The following SLC44A5 variants were observed in gnomAD, a reference collection of about 807,000 sequenced individuals.
SLC44A5 encodes the protein solute carrier family 44 member 5.
SLC44A5 carries 57 observed loss-of-function variants against 101.8 expected under a neutral mutation model. The observed-to-expected ratio is 0.56, with a 90% CI of 0.45 to 0.70. The LOEUF (loss-of-function observed/expected upper bound fraction) is 0.70, where lower values mean the gene tolerates loss of function less well. Ranked by LOEUF, SLC44A5 falls within the 30% of genes least tolerant of loss-of-function variation. SLC44A5 has a pLI of 0.00. For synonymous variants in SLC44A5, 281 were observed against 290.9 expected (o/e 0.97, Z 0.35); for missense variants, 737 against 853.1 (o/e 0.86, Z 1.70).
chr1:75,393,758 G>T (rs1450409519), intron 3 of SLC44A5, among the ~76,000 whole-genome samples: 2 of 152,170 alleles, frequency 1.3e-5, no homozygotes, highest in Admixed American at 1.3e-4. Flanking sequence ...TGATTATTTT[G>T]TGGAGAATAG....
chr1:75,548,068 CA>C (rs1671747841), intron 1 of SLC44A5, among the ~76,000 whole-genome samples: 2 of 152,068 alleles, frequency 1.3e-5, no homozygotes, highest in Admixed American at 6.6e-5. Context: ...TTCCATTTTC[CA>C]CATAAAAATT....
At chr1:75,476,452 G>A (rs535416360) in intron 2 of SLC44A5, among the ~76,000 whole-genome samples, 239 of 152,342 alleles carry the variant, frequency 1.6e-3, no homozygotes, top group African/African-American at 5.6e-3. Context: ...GCGAGGCATT[G>A]CCTCACTCGG....
intron 2 of SLC44A5, among the ~76,000 whole-genome samples, chr1:75,423,141 G>C (rs144203322): frequency 5.0e-4 from 76 of 152,262 alleles, no homozygotes; most frequent in Middle Eastern, 3.4e-3. Context: ...TTGGTTGCCT[G>C]AAAAAGAACA....
At chr1:75,712,823 A>G in the SLC44A5 span, among the ~76,000 whole-genome samples, 1 of 152,122 alleles carries the variant, frequency 6.6e-6, no homozygotes, top group Non-Finnish European at 1.5e-5. Flanking sequence ...AGGGAAAAAA[A>G]TATGAATGCT....
the SLC44A5 span, among the ~76,000 whole-genome samples, chr1:75,661,107 C>T: frequency 6.6e-6 from 1 of 151,906 alleles, no homozygotes; most frequent in Non-Finnish European, 1.5e-5. Context: ...AGCGTAGTAA[C>T]CAAAACAGCT....
At chr1:75,449,020 A>G (rs1665744947) in intron 2 of SLC44A5, among the ~76,000 whole-genome samples, 1 of 152,100 alleles carries the variant, frequency 6.6e-6, no homozygotes, top group South Asian at 2.1e-4. Context: ...GAATGTGTTC[A>G]TCCCTCTGAC....
At chr1:75,469,047 A>C (rs1666969168) in intron 2 of SLC44A5, among the ~76,000 whole-genome samples, 1 of 152,222 alleles carries the variant, frequency 6.6e-6, no homozygotes, top group South Asian at 2.1e-4. Flanking sequence ...AGCTGCATTA[A>C]AAAGGTAAAA....
intron 2 of SLC44A5, among the ~76,000 whole-genome samples, chr1:75,480,438 G>T (rs745490390): frequency 1.3e-5 from 2 of 151,978 alleles, no homozygotes; most frequent in Non-Finnish European, 2.9e-5. Context: ...AAGGGTATTC[G>T]ATTAGGAAAA....
rs567443646 is a variant in SLC44A5, at chr1:75,385,009, T to G, written c.52+11574A>C. ...AAATAAAGATGTTCTTTGAAACCAA[T>G]GAGAACAAAGACACAACATACCAGA... On this transcript the variant is annotated intron_variant, in intron 3 of 23. Transcript: ENST00000370859. Among the ~76,000 whole-genome samples the G allele has an allele frequency of 8.9e-3, 1,357 of 152,032 alleles. 6 individuals carry two copies. The highest frequency in any genetic ancestry group is 0.015 in the Non-Finnish European group (1,033 of 67,988).
the SLC44A5 span, among the ~76,000 whole-genome samples, chr1:75,708,461 G>GAAGTATGT: frequency 6.7e-6 from 1 of 148,376 alleles, no homozygotes; most frequent in African/African-American, 2.5e-5. Context: ...TTTGACCCAG[G>GAAGTATGT]AAGTATGTGA....
At chr1:75,308,642 G>A (rs1365058617) in intron 4 of SLC44A5, among the ~76,000 whole-genome samples, 1 of 152,188 alleles carries the variant, frequency 6.6e-6, no homozygotes, top group Non-Finnish European at 1.5e-5. Flanking sequence ...ACAGCAGGGT[G>A]CAAAGAGACC....
chr1:75,507,451 A>G (rs1313360880), intron 2 of SLC44A5, among the ~76,000 whole-genome samples: 2 of 152,108 alleles, frequency 1.3e-5, no homozygotes, highest in Non-Finnish European at 2.9e-5. Context: ...TTGGTTTGCT[A>G]GCATTTTGTT....
intron 2 of SLC44A5, among the ~76,000 whole-genome samples, chr1:75,514,903 A>C (rs1407213498): frequency 6.6e-6 from 1 of 152,210 alleles, no homozygotes; most frequent in Non-Finnish European, 1.5e-5. Flanking sequence ...CTATGGATGG[A>C]GATCAACTGA....
intron 1 of SLC44A5, among the ~76,000 whole-genome samples, chr1:75,606,780 C>T (rs1203366166): frequency 6.6e-6 from 1 of 151,970 alleles, no homozygotes; most frequent in Non-Finnish European, 1.5e-5. Context: ...GACCTATGGG[C>T]AGCGTTTGAC....
At chr1:75,471,132 T>C (rs1446105758) in intron 2 of SLC44A5, among the ~76,000 whole-genome samples, 1 of 152,154 alleles carries the variant, frequency 6.6e-6, no homozygotes, top group African/African-American at 2.4e-5. Context: ...GAAGATCTAT[T>C]TTTTAACCTT....
intron 1 of SLC44A5, among the ~76,000 whole-genome samples, chr1:75,549,779 T>C (rs1214609202): frequency 6.6e-6 from 1 of 152,064 alleles, no homozygotes; most frequent in African/African-American, 2.4e-5. Context: ...TCTGGAGATT[T>C]GAAGGATAAA....
the SLC44A5 span, among the ~76,000 whole-genome samples, chr1:75,677,013 T>C: frequency 6.6e-6 from 1 of 152,168 alleles, no homozygotes; most frequent in Non-Finnish European, 1.5e-5. Flanking sequence ...TTATATTCGG[T>C]GAACATGAAG....
chr1:75,335,345 C>T (rs1462196873), intron 4 of SLC44A5, among the ~76,000 whole-genome samples: 2 of 152,188 alleles, frequency 1.3e-5, no homozygotes, highest in Admixed American at 6.5e-5. Context: ...AAATAATTTA[C>T]ATTGAGAAAT....
chr1:75,680,261 C>T, the SLC44A5 span, among the ~76,000 whole-genome samples: 1 of 151,458 alleles, frequency 6.6e-6, no homozygotes. Flanking sequence ...ACCAAGCGGA[C>T]CTAATAGACA....
Sources: gnomAD v4.1 joint callset for allele counts (sites outside exome capture counted in the v4.1 genomes callset) on GRCh38, gnomAD v4.1.1 for gene constraint, MANE v1.5 for transcripts, NCBI Gene and HGNC (gene_info 2026-07-23, HGNC 2026-07-21) for gene names.